Variants in CDH2 observed in about 807,000 individuals in gnomAD.
CDH2 encodes the protein cadherin-2.
Under a neutral mutation model 92.0 loss-of-function variants are expected in CDH2, and 17 were observed. The observed-to-expected ratio is 0.18, with a 90% CI of 0.13 to 0.28. The LOEUF is 0.28. Among genes scored for constraint, CDH2 ranks in the 10% least tolerant of loss-of-function variants. The pLI, the probability that CDH2 is intolerant of heterozygous loss-of-function variation, is 1.00. For synonymous variants in CDH2, 419 were observed against 415.9 expected, an observed-to-expected ratio of 1.01 and a Z score of -0.09; for missense variants, 862 against 1,133.1, an observed-to-expected ratio of 0.76 and a Z score of 3.44.
intron 6 of CDH2, among the ~76,000 whole-genome samples, chr18:27,940,140 T>C (rs1033648370): frequency 2.6e-5 from 4 of 152,208 alleles, no homozygotes; most frequent in Admixed American, 2.0e-4. Flanking sequence ...CCTTAAATTA[T>C]TCATGATAAA....
chr18:27,971,440 G>A (rs184215292), intron 14 of CDH2, among the ~76,000 whole-genome samples: 5 of 151,390 alleles, frequency 3.3e-5, no homozygotes, highest in African/African-American at 1.2e-4. Flanking sequence ...CAGCCAGGAA[G>A]AATAAATATT....
At chr18:27,938,946 G>A (rs1567928761) in intron 6 of CDH2, among the ~76,000 whole-genome samples, 3 of 152,304 alleles carry the variant, frequency 2.0e-5, no homozygotes, top group South Asian at 4.1e-4. Context: ...TACAGTCTAG[G>A]TAGAAAGAAT....
chr18:27,954,200 A>G (rs1909600141), intron 15 of CDH2, among the ~76,000 whole-genome samples: 1 of 152,236 alleles, frequency 6.6e-6, no homozygotes, highest in African/African-American at 2.4e-5. Context: ...TCTTATTTTT[A>G]GACTAAGCTA....
At chr18:28,169,188 G>C (rs1263869793) in intron 1 of CDH2, among the ~76,000 whole-genome samples, 2 of 152,158 alleles carry the variant, frequency 1.3e-5, no homozygotes, top group East Asian at 3.9e-4. Flanking sequence ...TAGTTTCAAG[G>C]GTTTTCTCTG....
At position 28,011,906 on chromosome 18, in the gene CDH2, G is replaced by A; in HGVS notation, c.486C>T (p.Val162=). 2 of 1,613,966 alleles carry A rather than the reference G, an allele frequency of 1.2e-6. No individual in the cohort carries two copies. The highest frequency in any genetic ancestry group is 8.5e-7 in the Non-Finnish European group (1 of 1,179,866). ...TTTCTGGCAAGTTGATTGGAGGGATGACCCAGTCTCTCTTCTGCCTTTGTA... is the reference window on the plus strand; with the variant it reads ...TTTCTGGCAAGTTGATTGGAGGGATAACCCAGTCTCTCTTCTGCCTTTGTA... ...GHLQRQKRDW[V]IPPINLPENS... Residue 162 remains valine (V), a synonymous_variant, in exon 4 of 16, where the codon GTC becomes GTT. Transcript: ENST00000269141.
At chr18:28,003,316 C>T in intron 6 of CDH2, 147 bp from the exon 7 acceptor site, 1 of 568,106 alleles carries the variant, frequency 1.8e-6, no homozygotes, top group East Asian at 2.9e-5. Flanking sequence ...AAAAATGCTA[C>T]TCATAAGAAC....
intron 2 of CDH2, among the ~76,000 whole-genome samples, chr18:28,096,407 CT>C (rs200109784): frequency 0.08 from 11,029 of 137,978 alleles, 479 homozygotes; most frequent in East Asian, 0.16. Flanking sequence ...GAGGCAAGTT[CT>C]TTTTTTTTTT....
At chr18:28,057,778 G>A (rs569850087) in intron 2 of CDH2, among the ~76,000 whole-genome samples, 2 of 152,236 alleles carry the variant, frequency 1.3e-5, no homozygotes, top group African/African-American at 2.4e-5. Context: ...TTGGACAATC[G>A]AAGTTGGTAT....
chr18:28,142,592 A>T (rs2015972430), intron 2 of CDH2, among the ~76,000 whole-genome samples: 1 of 151,768 alleles, frequency 6.6e-6, no homozygotes, highest in Non-Finnish European at 1.5e-5. Context: ...CCCAAGGTTT[A>T]AAAAAATGTC....
chr18:28,016,816 T>C (rs940834332), intron 2 of CDH2, among the ~76,000 whole-genome samples: 3 of 152,190 alleles, frequency 2.0e-5, no homozygotes, highest in Non-Finnish European at 2.9e-5. Context: ...TTTAGACCTC[T>C]GAGAGTACCA....
At chr18:28,100,274 C>G (rs1249798809) in intron 2 of CDH2, among the ~76,000 whole-genome samples, 1 of 152,164 alleles carries the variant, frequency 6.6e-6, no homozygotes, top group African/African-American at 2.4e-5. Flanking sequence ...AGCTGAAGAC[C>G]AGTTGAACCA....
Position 27,985,236 on chromosome 18 carries a change from A to G in CDH2, c.1976-3T>C, listed in dbSNP as rs754392614. 3 of 1,555,118 alleles carry G rather than the reference A, an allele frequency of 1.9e-6. No homozygotes were observed. The highest frequency in any genetic ancestry group is 1.4e-5 in the African/African-American group (1 of 73,580). On this transcript the variant is annotated splice_polypyrimidine_tract_variant and splice_region_variant and intron_variant, in intron 12 of 15. Coordinates refer to ENST00000269141, the MANE Select transcript of CDH2 (RefSeq NM_001792.5). ...TAAATTAAGCTGAGCAAAATCACCTATATGAAAAAGGAAAAACATAGTTTG... is the reference window on the plus strand; with the variant it reads ...TAAATTAAGCTGAGCAAAATCACCTGTATGAAAAAGGAAAAACATAGTTTG...
At chr18:27,972,085 C>G (rs1377384806) in intron 14 of CDH2, among the ~76,000 whole-genome samples, 1 of 151,968 alleles carries the variant, frequency 6.6e-6, no homozygotes, top group Non-Finnish European at 1.5e-5. Flanking sequence ...AAGTGGCTTT[C>G]TTGTACCTGT....
intron 2 of CDH2, among the ~76,000 whole-genome samples, chr18:28,074,066 T>C (rs1023307218): frequency 3.3e-5 from 5 of 152,322 alleles, no homozygotes; most frequent in Non-Finnish European, 7.3e-5. Context: ...TTAAAATTAA[T>C]TTTTGGTTTT....
At chr18:28,086,655 T>C (rs1188790744) in intron 2 of CDH2, among the ~76,000 whole-genome samples, 4 of 152,176 alleles carry the variant, frequency 2.6e-5, no homozygotes, top group Non-Finnish European at 4.4e-5. Context: ...TGCTTTTTGC[T>C]CACACACAAG....
chr18:27,960,170 T>C (rs914131971), intron 15 of CDH2, among the ~76,000 whole-genome samples: 5 of 152,020 alleles, frequency 3.3e-5, no homozygotes, highest in Non-Finnish European at 7.4e-5. Context: ...GAGAAGCCTG[T>C]CTCCCCTCCC....
intron 7 of CDH2, among the ~76,000 whole-genome samples, chr18:27,999,682 ATATG>A (rs2012703253): frequency 6.6e-6 from 1 of 150,776 alleles, no homozygotes; most frequent in African/African-American, 2.4e-5. Context: ...ATACATATAT[ATATG>A]TGTGTGTGTG....
At chr18:27,958,196 T>C (rs1467077225) in intron 15 of CDH2, among the ~76,000 whole-genome samples, 1 of 152,154 alleles carries the variant, frequency 6.6e-6, no homozygotes, top group Non-Finnish European at 1.5e-5. Context: ...ATGGCTAGAT[T>C]TGAACTTACA....
chr18:28,071,049 G>C (rs1302576465), intron 2 of CDH2, among the ~76,000 whole-genome samples: 1 of 151,872 alleles, frequency 6.6e-6, no homozygotes, highest in Non-Finnish European at 1.5e-5. Context: ...TGATAATTTG[G>C]GGAAAGAATG....
Sources: allele counts gnomAD v4.1 joint callset (sites outside exome capture counted in the v4.1 genomes callset), GRCh38; gene constraint gnomAD v4.1.1; transcripts MANE v1.5; gene names NCBI Gene and HGNC (gene_info 2026-07-23, HGNC 2026-07-21).